KIAA1217: variants seen among roughly 807,000 people sequenced by gnomAD.
KIAA1217 encodes KIAA1217.
In KIAA1217, 88 loss-of-function variants were observed where a neutral mutation model predicts 163.9. The observed-to-expected ratio is 0.54, with a 90% confidence interval of 0.45 to 0.64. The LOEUF (loss-of-function observed/expected upper bound fraction) is 0.64, where lower values mean the gene tolerates loss of function less well. KIAA1217 is among the 30% of genes least tolerant of loss of function. KIAA1217 has a pLI of 0.00. For synonymous variants in KIAA1217, 903 were observed against 923.1 expected (o/e 0.98, Z 0.39); for missense variants, 2,372 against 2,475.0 (o/e 0.96, Z 0.88).
chr10:24,041,672 C>G (rs1848639169), intron 2 of KIAA1217, among the ~76,000 whole-genome samples: 1 of 152,088 alleles, frequency 6.6e-6, no homozygotes, highest in Admixed American at 6.6e-5. Flanking sequence ...TGGTGCTGTG[C>G]CTGTTCTGTA....
At chr10:24,122,463 A>G (rs141421696) in intron 2 of KIAA1217, among the ~76,000 whole-genome samples, 179 of 152,284 alleles carry the variant, frequency 1.2e-3, no homozygotes, top group Middle Eastern at 6.8e-3. Flanking sequence ...ATATGTTCAA[A>G]TATTCAACAT....
intron 2 of KIAA1217, among the ~76,000 whole-genome samples, chr10:24,355,376 G>C (rs2048957606): frequency 1.3e-5 from 2 of 152,214 alleles, no homozygotes; most frequent in East Asian, 1.9e-4. Flanking sequence ...GAGGCTAGAA[G>C]TCCAAGAGCA....
At chr10:23,997,652 T>A (rs1261280242) in intron 1 of KIAA1217, among the ~76,000 whole-genome samples, 3 of 152,244 alleles carry the variant, frequency 2.0e-5, no homozygotes, top group African/African-American at 7.2e-5. Context: ...ACATATACTT[T>A]ACATCTAATT....
At chr10:23,817,698 T>A (rs1400178859) in intron 1 of KIAA1217, among the ~76,000 whole-genome samples, 1 of 151,968 alleles carries the variant, frequency 6.6e-6, no homozygotes, top group African/African-American at 2.4e-5. Flanking sequence ...GAAGAAACAT[T>A]TCAATGACTT....
intron 2 of KIAA1217, among the ~76,000 whole-genome samples, chr10:24,025,436 T>A (rs1416210133): frequency 6.6e-6 from 1 of 151,802 alleles, no homozygotes; most frequent in African/African-American, 2.4e-5. Context: ...TTTGAAATTA[T>A]GAAGAGTTAG....
At chr10:24,335,769 C>A (rs2046284355) in intron 2 of KIAA1217, among the ~76,000 whole-genome samples, 1 of 151,696 alleles carries the variant, frequency 6.6e-6, no homozygotes, top group South Asian at 2.1e-4. Flanking sequence ...GCCACCACAC[C>A]CAGCCACTGT....
intron 1 of KIAA1217, among the ~76,000 whole-genome samples, chr10:23,699,882 G>A (rs1836312151): frequency 6.6e-6 from 1 of 152,182 alleles, no homozygotes; most frequent in South Asian, 2.1e-4. Flanking sequence ...AGAAGGGAAG[G>A]AACCAAGTGT....
intron 2 of KIAA1217, among the ~76,000 whole-genome samples, chr10:24,195,261 T>C (rs375334450): frequency 1.8e-3 from 268 of 152,336 alleles, no homozygotes; most frequent in African/African-American, 6.2e-3. Context: ...CTGCAGTGCC[T>C]TTTATTAAGC....
Position 23,852,337 on chromosome 10 carries a change from C to T in KIAA1217, c.-320-154888C>T, listed in dbSNP as rs368401372. On this transcript the variant is annotated intron_variant, in intron 1 of 18. Coordinates refer to the KIAA1217 transcript ENST00000376462. ...ATCAGATAGTTGTAGATAAGCGGCG[C>T]TATTTCTGAGGGCTCTGTTCTGTTC... Among the ~76,000 whole-genome samples the T allele has an allele frequency of 1.8e-4, 28 of 151,896 alleles. 1 individual carries two copies. Among genetic ancestry groups the T allele is most frequent in the Admixed American group, 9.9e-4 (15 of 15,228 alleles).
chr10:23,982,634 G>A (rs1845821064), intron 1 of KIAA1217, among the ~76,000 whole-genome samples: 2 of 145,248 alleles, frequency 1.4e-5, no homozygotes, highest in South Asian at 4.5e-4. Context: ...CGTGGTCTCG[G>A]CTCACTGCAA....
chr10:23,810,258 T>C (rs1211984924), intron 1 of KIAA1217, among the ~76,000 whole-genome samples: 1 of 150,196 alleles, frequency 6.7e-6, no homozygotes, highest in Admixed American at 6.7e-5. Context: ...TCTTTCTGAC[T>C]ACCTACCTGT....
intron 2 of KIAA1217, among the ~76,000 whole-genome samples, chr10:24,162,691 G>A (rs2065173970): frequency 1.3e-5 from 2 of 152,238 alleles, no homozygotes; most frequent in South Asian, 4.1e-4. Flanking sequence ...GTTTCTGGAT[G>A]TTAGGAATCT....
intron 2 of KIAA1217, among the ~76,000 whole-genome samples, chr10:24,297,070 G>C (rs2040708101): frequency 6.6e-6 from 1 of 152,190 alleles, no homozygotes; most frequent in Non-Finnish European, 1.5e-5. Flanking sequence ...AGGCTTGTTA[G>C]CTGTCTAGGA....
intron 1 of KIAA1217, among the ~76,000 whole-genome samples, chr10:23,759,936 G>A (rs1208193488): frequency 6.6e-6 from 1 of 152,206 alleles, no homozygotes; most frequent in Non-Finnish European, 1.5e-5. Flanking sequence ...ATAGTAAAGG[G>A]AGGAAGAATA....
intron 1 of KIAA1217, among the ~76,000 whole-genome samples, chr10:23,704,172 G>GTGTGTGTGTGTGTATATA (rs1229370789): frequency 1.5e-4 from 6 of 39,944 alleles, no homozygotes; most frequent in Admixed American, 6.2e-4. Context: ...GTGTGTGTGT[G>GTGTGTGTGTGTGTATATA]TATATATATA....
In KIAA1217 at chr10:24,468,415, C is replaced by T. The variant is rs542958718; in HGVS notation, c.847-4813C>T. On this transcript the variant is annotated intron_variant, in intron 5 of 20. Coordinates refer to ENST00000376454, the MANE Select transcript of KIAA1217 (RefSeq NM_019590.5). ...ATGATCCTGGTTCTTTTTAAAACTC[C>T]GTCTTAGAAAGTCAGTCACAGCTTG... Among the ~76,000 whole-genome samples the T allele has an allele frequency of 6.6e-5, 10 of 152,274 alleles. No homozygotes were observed. The South Asian group carries it at 1.9e-3, about 28-fold the overall frequency.
At chr10:23,880,723 A>G (rs969461473) in intron 1 of KIAA1217, among the ~76,000 whole-genome samples, 2 of 151,980 alleles carry the variant, frequency 1.3e-5, no homozygotes, top group Admixed American at 1.3e-4. Flanking sequence ...CCATAAATAT[A>G]TACTCTTACC....
At chr10:24,000,902 T>A (rs1846712044) in intron 1 of KIAA1217, among the ~76,000 whole-genome samples, 1 of 152,204 alleles carries the variant, frequency 6.6e-6, no homozygotes, top group African/African-American at 2.4e-5. Flanking sequence ...AGAAACAGCA[T>A]TCTGGAAATT....
chr10:23,778,371 T>G (rs1042931975), intron 1 of KIAA1217, among the ~76,000 whole-genome samples: 2 of 152,164 alleles, frequency 1.3e-5, no homozygotes, highest in African/African-American at 4.8e-5. Context: ...TAGAAAAACA[T>G]AGAGAAAAAT....
Sources: gnomAD v4.1 joint callset for allele counts (sites outside exome capture counted in the v4.1 genomes callset) on GRCh38, gnomAD v4.1.1 for gene constraint, MANE v1.5 for transcripts, NCBI Gene and HGNC (gene_info 2026-07-23, HGNC 2026-07-21) for gene names.